The following MTA3 variants were observed in gnomAD, a reference collection of about 807,000 sequenced individuals.
The protein encoded by MTA3 is metastasis-associated protein MTA3.
Under a neutral mutation model 83.5 loss-of-function variants are expected in MTA3, and 34 were observed. The ratio of observed to expected loss-of-function variants is 0.41; its 90% CI spans 0.31 to 0.54. The LOEUF is 0.54. MTA3 is among the 20% of genes least tolerant of loss of function. The pLI is 0.33. For synonymous variants in MTA3, 303 were observed against 252.7 expected (o/e 1.20, Z -1.89); for missense variants, 761 against 726.4 (o/e 1.05, Z -0.55).
Position 42,718,992 on chromosome 2 carries a change from A to C in MTA3, c.1530A>C (p.Ala510=), listed in dbSNP as rs1341883232. 6.5e-7 allele frequency: 1 copy of C among 1,549,880 alleles called. No individual in the cohort carries two copies. Among genetic ancestry groups the C allele is most frequent in the South Asian group, 1.2e-5 (1 of 84,052 alleles). ...CATGTTTCTTTCTCTCCTCAGATGC[A>C]GACAGACATGCTGAACTATCTGGAA... ...INYAAIRAEY[A]DRHAELSGSP... Residue 510 remains alanine (A), a synonymous_variant, in exon 15 of 17, where the codon GCA becomes GCC. Transcript: ENST00000405094.
intron 2 of MTA3, among the ~76,000 whole-genome samples, chr2:42,552,983 G>T (rs1463622505): frequency 6.6e-6 from 1 of 151,230 alleles, no homozygotes; most frequent in South Asian, 2.1e-4. Flanking sequence ...ATCAAAGAAA[G>T]TTCTACTCCG....
At chr2:42,547,560 A>G (rs948446118) in intron 2 of MTA3, among the ~76,000 whole-genome samples, 5 of 152,172 alleles carry the variant, frequency 3.3e-5, no homozygotes, top group African/African-American at 1.2e-4. Context: ...TGAACTCCTG[A>G]CCTCAAGTGA....
chr2:42,656,580 C>CT (rs913764044), intron 7 of MTA3, among the ~76,000 whole-genome samples: 2 of 152,102 alleles, frequency 1.3e-5, no homozygotes, highest in Non-Finnish European at 2.9e-5. Flanking sequence ...GTCCCACATC[C>CT]TTAATAAAAA....
intron 2 of MTA3, among the ~76,000 whole-genome samples, chr2:42,531,478 A>G (rs1439740465): frequency 6.6e-5 from 6 of 90,954 alleles, no homozygotes; most frequent in East Asian, 3.4e-4. Context: ...TTTGAGAAGG[A>G]CTCTTGCTCT....
chr2:42,576,384 C>T (rs1045460575), intron 2 of MTA3, among the ~76,000 whole-genome samples: 22 of 152,128 alleles, frequency 1.4e-4, no homozygotes, highest in Non-Finnish European at 7.3e-5. Flanking sequence ...CAGGAGTGTT[C>T]TAGATAAAGG....
intron 4 of MTA3, among the ~76,000 whole-genome samples, chr2:42,621,000 G>C (rs1417185332): frequency 6.6e-6 from 1 of 152,012 alleles, no homozygotes; most frequent in African/African-American, 2.4e-5. Flanking sequence ...TCACAATGTA[G>C]ACATACATCA....
chr2:42,555,867 T>C (rs1468029254), intron 2 of MTA3, among the ~76,000 whole-genome samples: 1 of 150,212 alleles, frequency 6.7e-6, no homozygotes, highest in South Asian at 2.1e-4. Flanking sequence ...AGGTCAGGAG[T>C]TCGAGATCAG....
intron 4 of MTA3, among the ~76,000 whole-genome samples, chr2:42,625,703 C>T (rs1160230175): frequency 1.4e-5 from 2 of 145,428 alleles, no homozygotes; most frequent in South Asian, 2.2e-4. Flanking sequence ...ACCGAGATCA[C>T]GCCACTGCAC....
chr2:42,622,788 G>T (rs966154113), intron 4 of MTA3, among the ~76,000 whole-genome samples: 1 of 151,878 alleles, frequency 6.6e-6, no homozygotes, highest in African/African-American at 2.4e-5. Context: ...TACCACACCT[G>T]GCCTCCATGT....
chr2:42,580,452 A>G (rs372612707), intron 3 of MTA3, among the ~76,000 whole-genome samples: 1 of 151,114 alleles, frequency 6.6e-6, no homozygotes, highest in Non-Finnish European at 1.5e-5. Context: ...GCTCACTGCA[A>G]CCTCCGCCTT....
chr2:42,670,744 C>CTA (rs34128430), intron 8 of MTA3, among the ~76,000 whole-genome samples: 48,892 of 145,724 alleles, frequency 0.34, 8,062 homozygotes, highest in East Asian at 0.58. Flanking sequence ...AACTCTAACA[C>CTA]TATATATATA....
At chr2:42,510,913 G>GT (rs1674869501) in intron 2 of MTA3, among the ~76,000 whole-genome samples, 3 of 152,178 alleles carry the variant, frequency 2.0e-5, no homozygotes, top group Admixed American at 2.0e-4. Flanking sequence ...CTGAATGGAA[G>GT]TTCCCCACTG....
At chr2:42,568,275 G>A (rs1357556006), upstream of MTA3, 1 of 155,124 alleles carries the variant, frequency 6.4e-6, no homozygotes, top group Non-Finnish European at 1.4e-5. Context: ...GGGGTACCCT[G>A]GGTGGGGGAA....
intron 2 of MTA3, among the ~76,000 whole-genome samples, chr2:42,558,311 G>A (rs755218584): frequency 2.1e-5 from 3 of 145,096 alleles, no homozygotes; most frequent in African/African-American, 5.1e-5. Flanking sequence ...GCATGATCTC[G>A]GCTCACTGCA....
At chr2:42,579,406 A>C (rs531669525) in intron 3 of MTA3, among the ~76,000 whole-genome samples, 1 of 144,192 alleles carries the variant, frequency 6.9e-6, no homozygotes, top group South Asian at 2.2e-4. Flanking sequence ...TGTGTATGTA[A>C]TTTTATATCT....
At chr2:42,606,375 T>C (rs1391332560) in intron 3 of MTA3, among the ~76,000 whole-genome samples, 1 of 135,242 alleles carries the variant, frequency 7.4e-6, no homozygotes, top group South Asian at 2.5e-4. Flanking sequence ...GGCTCCTCAC[T>C]TCTCAGACGG....
chr2:42,545,103 C>T (rs1572957019), intron 2 of MTA3, among the ~76,000 whole-genome samples: 1 of 152,098 alleles, frequency 6.6e-6, no homozygotes, highest in Non-Finnish European at 1.5e-5. Flanking sequence ...CCCAACCAGG[C>T]GTGGTTGCTC....
intron 2 of MTA3, among the ~76,000 whole-genome samples, chr2:42,557,319 A>C (rs1355685047): frequency 1.0e-4 from 14 of 140,140 alleles, no homozygotes; most frequent in Admixed American, 5.1e-4. Context: ...GAAAAAAAAA[A>C]CACAGTCCAG....
chr2:42,642,478 A>G (rs1687778572), intron 5 of MTA3, among the ~76,000 whole-genome samples: 1 of 152,050 alleles, frequency 6.6e-6, no homozygotes, highest in Non-Finnish European at 1.5e-5. Context: ...CAACATAGTG[A>G]GACGTCGTCT....
Sources: gnomAD v4.1 joint callset for allele counts (sites outside exome capture counted in the v4.1 genomes callset) on GRCh38, gnomAD v4.1.1 for gene constraint, MANE v1.5 for transcripts, NCBI Gene and HGNC (gene_info 2026-07-23, HGNC 2026-07-21) for gene names.